The following TSHZ3 variants were observed in gnomAD, a reference collection of about 807,000 sequenced individuals.
TSHZ3 encodes the protein teashirt zinc finger homeobox 3.
In TSHZ3, 10 loss-of-function variants were observed where a neutral mutation model predicts 64.5. The ratio of observed to expected loss-of-function variants is 0.16; its 90% CI spans 0.10 to 0.26. TSHZ3 has a LOEUF of 0.26. Among genes scored for constraint, TSHZ3 ranks in the 10% least tolerant of loss-of-function variants. The pLI, the probability that TSHZ3 is intolerant of heterozygous loss-of-function variation, is 1.00. For missense variants in TSHZ3, 1,242 were observed against 1,421.7 expected (o/e 0.87, Z 2.03); for synonymous variants, 608 against 593.1 (o/e 1.03, Z -0.36).
intron 1 of TSHZ3, among the ~76,000 whole-genome samples, chr19:31,339,342 C>T (rs1351432221): frequency 6.6e-6 from 1 of 152,046 alleles, no homozygotes; most frequent in Non-Finnish European, 1.5e-5. Context: ...ATAACCTCTC[C>T]CGTGCCTCTG....
chr19:31,349,476 G>A (rs1269373231), upstream of TSHZ3: 4 of 383,262 alleles, frequency 1.0e-5, no homozygotes, highest in East Asian at 1.2e-4. Context: ...AGGAGCACGG[G>A]GGGGAGGAGG....
intron 6 of TSHZ3, among the ~76,000 whole-genome samples, chr19:31,156,312 T>A (rs1406037876): frequency 6.6e-6 from 1 of 151,964 alleles, no homozygotes; most frequent in Non-Finnish European, 1.5e-5. Flanking sequence ...ACAGAGAAAA[T>A]TTTTAGCACT....
intron 1 of TSHZ3, among the ~76,000 whole-genome samples, chr19:31,259,097 G>A (rs958287743): frequency 1.3e-5 from 2 of 152,268 alleles, no homozygotes; most frequent in African/African-American, 4.8e-5. Flanking sequence ...TTTAATAAGC[G>A]AAAATGATGT....
At chr19:31,245,874 T>G (rs1215054163) in intron 1 of TSHZ3, among the ~76,000 whole-genome samples, 1 of 152,232 alleles carries the variant, frequency 6.6e-6, no homozygotes, top group Non-Finnish European at 1.5e-5. Context: ...TTTGTAATAT[T>G]TATTTAACTA....
chr19:31,175,983 GCTCA>G (rs1321153940), intron 5 of TSHZ3, among the ~76,000 whole-genome samples: 1 of 152,216 alleles, frequency 6.6e-6, no homozygotes, highest in Non-Finnish European at 1.5e-5. Flanking sequence ...ATGAGAGAAG[GCTCA>G]CTCAGAGACA....
At chr19:31,188,024 A>C (rs1038633985) in intron 5 of TSHZ3, among the ~76,000 whole-genome samples, 1 of 152,072 alleles carries the variant, frequency 6.6e-6, no homozygotes, top group East Asian at 1.9e-4. Flanking sequence ...GCAACATTGA[A>C]TTTCAATCCA....
chr19:31,268,932 C>G lies in TSHZ3; in HGVS notation n.64-26057G>C, dbSNP rs150277926. The stretch of plus-strand genomic sequence containing the variant: ...TCAACAGACACAGTCTCTTGTACCC[C>G]AAGCTCAGCGCCCACTAGAGAGAGG... On this transcript the variant is annotated intron_variant and non_coding_transcript_variant, in intron 1 of 6. Coordinates refer to the TSHZ3 transcript ENST00000651361. 5.9e-3 allele frequency among the ~76,000 whole-genome samples: 902 copies of G among 152,212 alleles called. 7 individuals carry two copies. The highest frequency in any genetic ancestry group is 0.021 in the African/African-American group (852 of 41,544).
chr19:31,247,695 T>A (rs754817923), intron 1 of TSHZ3, among the ~76,000 whole-genome samples: 1 of 152,188 alleles, frequency 6.6e-6, no homozygotes, highest in Non-Finnish European at 1.5e-5. Context: ...AATATTAACT[T>A]CCTGATTTTT....
intron 1 of TSHZ3, among the ~76,000 whole-genome samples, chr19:31,302,081 C>T (rs919115083): frequency 6.6e-6 from 1 of 152,152 alleles, no homozygotes; most frequent in Non-Finnish European, 1.5e-5. Flanking sequence ...GGGGCCCTTA[C>T]ATAAAGTTTG....
Position 31,276,543 on chromosome 19 carries a change from A to C in TSHZ3, c.*4T>G. 1 of 1,535,116 alleles carries C rather than the reference A, an allele frequency of 6.5e-7. No homozygotes were observed. The highest frequency in any genetic ancestry group is 8.8e-7 in the Non-Finnish European group (1 of 1,139,198). On this transcript the variant is annotated 3_prime_UTR_variant, in exon 2 of 2. Coordinates refer to ENST00000240587, the MANE Select transcript of TSHZ3 (RefSeq NM_020856.4). ...ACTGCAGTCCTTTCTATCAAAAGCA[A>C]ATGCTACTGCTTCTCTAACTCAGAG...
At position 31,277,808 on chromosome 19, in the gene TSHZ3, C is replaced by A. The variant is rs1976274181; in HGVS notation, c.1985G>T (p.Gly662Val). ...EPIKMEASSD[G>V]GFRSQENSPS... ...GCTGTTCTCCTGGCTGCGGAAGCCC[C>A]CATCGCTGGATGCCTCCATCTTGAT... The change falls in exon 2 of 2, where the codon GGG becomes GTG. Residue 662 changes from glycine (G) to valine (V), a missense_variant. By Grantham distance (109) the Gly-to-Val change is moderately radical. Transcript: ENST00000240587. The surrounding 1 kb of genome is among the most constrained non-coding windows in gnomAD (Gnocchi z 4.5). 6 of 1,549,816 alleles carry A rather than the reference C, an allele frequency of 3.9e-6. No individual in the cohort carries two copies. Among genetic ancestry groups the A allele is most frequent in the Admixed American group, 2.0e-5 (1 of 50,688 alleles).
At chr19:31,203,997 G>A (rs1291871850) in intron 5 of TSHZ3, among the ~76,000 whole-genome samples, 1 of 152,062 alleles carries the variant, frequency 6.6e-6, no homozygotes, top group African/African-American at 2.4e-5. Context: ...AAGGTGAAGG[G>A]GAAGCAAACA....
At chr19:31,263,560 G>A (rs1426132309) in intron 1 of TSHZ3, among the ~76,000 whole-genome samples, 1 of 152,204 alleles carries the variant, frequency 6.6e-6, no homozygotes, top group Non-Finnish European at 1.5e-5. Flanking sequence ...GCAAGTGGGG[G>A]ACTTATTGGG....
chr19:31,210,437 G>A (rs4804954), intron 4 of TSHZ3, among the ~76,000 whole-genome samples: 95,074 of 151,760 alleles, frequency 0.63, 30,061 homozygotes, highest in Middle Eastern at 0.72. Context: ...AGTTCAGAAT[G>A]CCTCTCCCCA....
chr19:31,202,447 A>T (rs1975101974), intron 5 of TSHZ3, among the ~76,000 whole-genome samples: 1 of 151,862 alleles, frequency 6.6e-6, no homozygotes, highest in African/African-American at 2.4e-5. Context: ...CTGTTTTGTA[A>T]TTTTTTCAAT....
chr19:31,192,674 C>T (rs1313073714), intron 5 of TSHZ3, among the ~76,000 whole-genome samples: 1 of 152,146 alleles, frequency 6.6e-6, no homozygotes, highest in African/African-American at 2.4e-5. Context: ...CTTTGCATTA[C>T]AGTGTAATAT....
intron 4 of TSHZ3, among the ~76,000 whole-genome samples, chr19:31,205,811 T>C (rs1975159675): frequency 6.6e-6 from 1 of 152,220 alleles, no homozygotes; most frequent in African/African-American, 2.4e-5. Context: ...CAAGGCTGCC[T>C]TTTCCAAAAA....
chr19:31,348,415 GA>G (rs979762568), intron 1 of TSHZ3, among the ~76,000 whole-genome samples: 1 of 114,028 alleles, frequency 8.8e-6, no homozygotes, highest in Admixed American at 9.3e-5. Flanking sequence ...GAAAAGAAAA[GA>G]AAAAAATCGG....
intron 3 of TSHZ3, among the ~76,000 whole-genome samples, chr19:31,229,117 T>G (rs1333058450): frequency 6.6e-6 from 1 of 152,186 alleles, no homozygotes; most frequent in African/African-American, 2.4e-5. Flanking sequence ...GACTAAACAT[T>G]GTAAGGGGGC....
Sources: allele counts gnomAD v4.1 joint callset (sites outside exome capture counted in the v4.1 genomes callset), GRCh38; gene constraint gnomAD v4.1.1; non-coding constraint Gnocchi (gnomAD v3.1); transcripts MANE v1.5; gene names NCBI Gene and HGNC (gene_info 2026-07-23, HGNC 2026-07-21).